TENM2: variants seen among roughly 807,000 people sequenced by gnomAD.
TENM2 encodes teneurin-2.
TENM2 carries 52 observed loss-of-function variants against 245.2 expected under a neutral mutation model. The observed-to-expected ratio is 0.21, with a 90% CI of 0.17 to 0.27. The LOEUF is 0.27. Among genes scored for constraint, TENM2 ranks in the 10% least tolerant of loss-of-function variants. The probability of loss-of-function intolerance (pLI) is 1.00; values close to 1 mark genes in which losing one functional copy is unlikely to be tolerated. For missense variants in TENM2, 3,046 were observed against 3,666.8 expected, an observed-to-expected ratio of 0.83 and a Z score of 4.37; for synonymous variants, 1,363 against 1,438.9, an observed-to-expected ratio of 0.95 and a Z score of 1.19.
At chr5:167,646,427 G>A (rs1779972666) in intron 2 of TENM2, among the ~76,000 whole-genome samples, 1 of 151,390 alleles carries the variant, frequency 6.6e-6, no homozygotes, top group South Asian at 2.1e-4. Context: ...TAAATACTGT[G>A]GAAATACGGT....
At chr5:167,180,103 C>CTTTTTTTTTTT in the TENM2 span, among the ~76,000 whole-genome samples, 5 of 114,960 alleles carry the variant, frequency 4.3e-5, no homozygotes, top group African/African-American at 2.1e-4. Context: ...TAAGTGCTTC[C>CTTTTTTTTTTT]TTTTTTTTTT....
intron 2 of TENM2, among the ~76,000 whole-genome samples, chr5:167,431,961 G>A (rs6876991): frequency 0.023 from 990 of 43,488 alleles, 14 homozygotes; most frequent in Non-Finnish European, 0.034. Context: ...ATATATATAT[G>A]TATATATATA....
intron 7 of TENM2, among the ~76,000 whole-genome samples, chr5:168,077,163 G>A (rs1791552023): frequency 6.6e-6 from 1 of 152,182 alleles, no homozygotes; most frequent in Non-Finnish European, 1.5e-5. Flanking sequence ...TTAACTCATA[G>A]TAGCATCTGA....
At chr5:168,128,843 T>C (rs530510131) in intron 12 of TENM2, 1 of 152,252 alleles carries the variant, frequency 6.6e-6, no homozygotes, top group South Asian at 2.1e-4. Context: ...ATAAACAAAG[T>C]ATTATTACAG....
intron 2 of TENM2, among the ~76,000 whole-genome samples, chr5:167,847,668 A>G (rs1490540443): frequency 3.3e-5 from 5 of 152,226 alleles, no homozygotes; most frequent in African/African-American, 1.2e-4. Context: ...AACACCTTCA[A>G]TACAGATGTT....
At chr5:167,598,126 G>A (rs1346134862) in intron 2 of TENM2, among the ~76,000 whole-genome samples, 2 of 152,212 alleles carry the variant, frequency 1.3e-5, no homozygotes, top group African/African-American at 4.8e-5. Flanking sequence ...GTGAGCCACT[G>A]TCTGTTAACT....
chr5:167,633,545 A>G (rs1779005926), intron 2 of TENM2, among the ~76,000 whole-genome samples: 1 of 152,206 alleles, frequency 6.6e-6, no homozygotes, highest in East Asian at 1.9e-4. Flanking sequence ...AGCTAATTTT[A>G]CTTCATAATA....
At chr5:167,051,650 C>T in the TENM2 span, among the ~76,000 whole-genome samples, 1 of 152,196 alleles carries the variant, frequency 6.6e-6, no homozygotes, top group Non-Finnish European at 1.5e-5. Context: ...GTATTCTACA[C>T]AGATGTTGTC....
At chr5:167,603,838 A>G (rs932496735) in intron 2 of TENM2, among the ~76,000 whole-genome samples, 4 of 152,226 alleles carry the variant, frequency 2.6e-5, no homozygotes, top group Non-Finnish European at 1.5e-5. Context: ...GGTAAGACAT[A>G]GAAGGAATGA....
intron 1 of TENM2, among the ~76,000 whole-genome samples, chr5:167,326,548 G>A (rs113828188): frequency 2.6e-5 from 4 of 151,620 alleles, no homozygotes; most frequent in South Asian, 2.1e-4. Flanking sequence ...TGGTGCACGC[G>A]TGTAGTCCCA....
At chr5:166,980,142 A>G in the TENM2 span, among the ~76,000 whole-genome samples, 4 of 152,214 alleles carry the variant, frequency 2.6e-5, no homozygotes, top group Admixed American at 6.5e-5. Context: ...GTTGCTTGCA[A>G]AAGATAATAA....
At chr5:168,225,201 T>C (rs1344605006) in intron 23 of TENM2, among the ~76,000 whole-genome samples, 1 of 152,120 alleles carries the variant, frequency 6.6e-6, no homozygotes, top group Non-Finnish European at 1.5e-5. Context: ...AAGAACAGGT[T>C]CCATGCAGCC....
chr5:167,701,331 T>C (rs933992084), intron 2 of TENM2, among the ~76,000 whole-genome samples: 2 of 152,130 alleles, frequency 1.3e-5, no homozygotes, highest in Non-Finnish European at 2.9e-5. Flanking sequence ...TATGAATCTA[T>C]GAACTGGTTT....
chr5:167,016,231 G>C, the TENM2 span, among the ~76,000 whole-genome samples: 22 of 145,938 alleles, frequency 1.5e-4, 1 homozygote, highest in Admixed American at 1.4e-3. Flanking sequence ...TCCAGCCTGG[G>C]CAACAGAGCG....
At chr5:167,256,251 A>G in the TENM2 span, among the ~76,000 whole-genome samples, 1 of 152,168 alleles carries the variant, frequency 6.6e-6, no homozygotes, top group Non-Finnish European at 1.5e-5. Flanking sequence ...CTGGCTGCAA[A>G]TGAAAGCAGG....
intron 2 of TENM2, among the ~76,000 whole-genome samples, chr5:167,779,241 CA>C (rs1237366747): frequency 2.3e-4 from 35 of 152,258 alleles, no homozygotes; most frequent in Admixed American, 2.3e-3. Flanking sequence ...TCCCAACAGC[CA>C]CAAAGGTATT....
At chr5:167,379,708 A>G (rs1760979263) in intron 2 of TENM2, among the ~76,000 whole-genome samples, 1 of 152,144 alleles carries the variant, frequency 6.6e-6, no homozygotes, top group African/African-American at 2.4e-5. Flanking sequence ...TAAGAGCTCC[A>G]GACCTAGCCA....
intron 2 of TENM2, among the ~76,000 whole-genome samples, chr5:167,384,605 G>A (rs1039010899): frequency 6.6e-6 from 1 of 152,198 alleles, no homozygotes; most frequent in Non-Finnish European, 1.5e-5. Flanking sequence ...TGATCAAGCA[G>A]ATAATACAGA....
chr5:167,980,276 T>C (rs935137270), intron 4 of TENM2, among the ~76,000 whole-genome samples: 2 of 152,140 alleles, frequency 1.3e-5, no homozygotes, highest in African/African-American at 4.8e-5. Context: ...CATCTCTGGA[T>C]GTTGACTGTT....
Sources: allele counts gnomAD v4.1 joint callset (sites outside exome capture counted in the v4.1 genomes callset), GRCh38; gene constraint gnomAD v4.1.1; transcripts MANE v1.5; gene names NCBI Gene and HGNC (gene_info 2026-07-23, HGNC 2026-07-21).